Variants in NPAS3 observed in about 807,000 individuals in gnomAD.
The protein encoded by NPAS3 is neuronal PAS domain-containing protein 3.
Under a neutral mutation model 73.1 loss-of-function variants are expected in NPAS3, and 14 were observed. The observed-to-expected ratio is 0.19, with a 90% confidence interval of 0.13 to 0.30. The LOEUF is 0.30. Ranked by LOEUF, NPAS3 falls within the 10% of genes least tolerant of loss-of-function variation. The pLI, the probability that NPAS3 is intolerant of heterozygous loss-of-function variation, is 1.00. For missense variants in NPAS3, 1,096 were observed against 1,250.0 expected (o/e 0.88, Z 1.86); for synonymous variants, 620 against 541.5 (o/e 1.14, Z -2.01).
intron 2 of NPAS3, among the ~76,000 whole-genome samples, chr14:33,089,309 C>T (rs2042142932): frequency 6.6e-6 from 1 of 152,160 alleles, no homozygotes; most frequent in African/African-American, 2.4e-5. Flanking sequence ...CTTAAGTGAC[C>T]TGATGGAGCT....
chr14:33,528,537 G>A (rs2053903964), intron 4 of NPAS3, among the ~76,000 whole-genome samples: 2 of 152,026 alleles, frequency 1.3e-5, no homozygotes, highest in African/African-American at 2.4e-5. Flanking sequence ...TTTGGAGGAT[G>A]CCAAGTGGAA....
intron 3 of NPAS3, among the ~76,000 whole-genome samples, chr14:33,241,404 G>C (rs2048209984): frequency 6.6e-6 from 1 of 151,982 alleles, no homozygotes; most frequent in African/African-American, 2.4e-5. Flanking sequence ...TCTTAGAAGA[G>C]AGCATGCCTC....
At chr14:33,333,432 A>G (rs2044076877) in intron 3 of NPAS3, among the ~76,000 whole-genome samples, 1 of 152,176 alleles carries the variant, frequency 6.6e-6, no homozygotes, top group Non-Finnish European at 1.5e-5. Context: ...ATATTGTTAT[A>G]TTTAGTTCAC....
intron 3 of NPAS3, among the ~76,000 whole-genome samples, chr14:33,221,775 T>C (rs546747400): frequency 6.6e-6 from 1 of 152,294 alleles, no homozygotes; most frequent in African/African-American, 2.4e-5. Context: ...CAACATTGAG[T>C]GGTAAAACCC....
chr14:33,210,288 G>T (rs867203432), intron 2 of NPAS3, among the ~76,000 whole-genome samples: 2 of 152,092 alleles, frequency 1.3e-5, no homozygotes, highest in East Asian at 1.9e-4. Flanking sequence ...CCAGCTTCAT[G>T]GTAGATTCAC....
In NPAS3 at chr14:33,064,757, A is replaced by G. The variant is rs1159041572; in HGVS notation, c.140+8763A>G. 3.3e-5 allele frequency among the ~76,000 whole-genome samples: 5 copies of G among 152,198 alleles called. No homozygotes were observed. The East Asian group carries it at 9.6e-4, about 29-fold the overall frequency. ...GTTTTTGTAATTGTCCTACCCACAG[A>G]TCACCACTGTTAACAATTTGGTGGC... On this transcript the variant is annotated intron_variant, in intron 2 of 11. Coordinates refer to ENST00000356141, the Ensembl canonical transcript of NPAS3.
intron 3 of NPAS3, among the ~76,000 whole-genome samples, chr14:33,276,735 T>A (rs2041353805): frequency 1.3e-5 from 2 of 152,144 alleles, no homozygotes; most frequent in South Asian, 4.1e-4. Flanking sequence ...TAGAAGGTAA[T>A]TTATAAATTA....
intron 3 of NPAS3, among the ~76,000 whole-genome samples, chr14:33,239,914 T>C (rs1039991219): frequency 6.6e-6 from 1 of 151,838 alleles, no homozygotes; most frequent in East Asian, 1.9e-4. Flanking sequence ...GAAAAACTTA[T>C]GAGAGAATGC....
At chr14:32,942,975 C>T (rs923890240) in intron 1 of NPAS3, among the ~76,000 whole-genome samples, 25 of 152,140 alleles carry the variant, frequency 1.6e-4, no homozygotes, top group Admixed American at 1.4e-3. Context: ...GATATTAGAT[C>T]GTATAGCTCC....
At chr14:33,053,633 A>G (rs1336163399) in intron 1 of NPAS3, among the ~76,000 whole-genome samples, 1 of 152,244 alleles carries the variant, frequency 6.6e-6, no homozygotes, top group Non-Finnish European at 1.5e-5. Context: ...GAAAGGTAAA[A>G]CACAAAGTGT....
chr14:33,205,499 G>A (rs2046789305), intron 2 of NPAS3, among the ~76,000 whole-genome samples: 1 of 152,050 alleles, frequency 6.6e-6, no homozygotes. Flanking sequence ...AATAATTTAG[G>A]CTCCTGGCAA....
intron 3 of NPAS3, among the ~76,000 whole-genome samples, chr14:33,302,391 A>G (rs2042587492): frequency 6.6e-6 from 1 of 152,174 alleles, no homozygotes; most frequent in Admixed American, 6.5e-5. Flanking sequence ...TCAAAAAATG[A>G]TGGATGAGAA....
downstream of NPAS3, chr14:33,803,158 C>A (rs747160314): frequency 6.6e-6 from 1 of 152,176 alleles, no homozygotes; most frequent in Non-Finnish European, 1.5e-5. Context: ...GGGTGCTTTT[C>A]TTTGGTTTCC....
intron 7 of NPAS3, among the ~76,000 whole-genome samples, chr14:33,770,565 T>A (rs2062617311): frequency 6.6e-6 from 1 of 152,166 alleles, no homozygotes. Context: ...CCTCATAGAT[T>A]ATGTGTCTTA....
At chr14:33,751,184 A>G (rs2061952618) in intron 7 of NPAS3, among the ~76,000 whole-genome samples, 1 of 152,224 alleles carries the variant, frequency 6.6e-6, no homozygotes, top group South Asian at 2.1e-4. Context: ...AGAGTGTTTC[A>G]TGTCAACAAA....
chr14:33,609,478 T>G (rs1262200508), intron 5 of NPAS3, among the ~76,000 whole-genome samples: 1 of 152,100 alleles, frequency 6.6e-6, no homozygotes, highest in African/African-American at 2.4e-5. Context: ...CAAATGTATT[T>G]GTACATTATC....
chr14:33,143,241 C>T (rs148504564), intron 2 of NPAS3, among the ~76,000 whole-genome samples: 2 of 152,332 alleles, frequency 1.3e-5, no homozygotes, highest in African/African-American at 4.8e-5. Flanking sequence ...CCTGTAATCA[C>T]AGCACTTTGG....
intron 2 of NPAS3, among the ~76,000 whole-genome samples, chr14:33,127,926 G>C (rs2043489238): frequency 6.6e-6 from 1 of 152,052 alleles, no homozygotes; most frequent in Non-Finnish European, 1.5e-5. Context: ...ATTAAGGGAG[G>C]CATAGATTTA....
chr14:33,452,536 G>T (rs903072263), intron 4 of NPAS3, among the ~76,000 whole-genome samples: 1 of 152,040 alleles, frequency 6.6e-6, no homozygotes, highest in Non-Finnish European at 1.5e-5. Flanking sequence ...ACTTTGTGAG[G>T]CTGAGGCAGG....
Sources: allele counts gnomAD v4.1 joint callset (sites outside exome capture counted in the v4.1 genomes callset), GRCh38; gene constraint gnomAD v4.1.1; transcripts MANE v1.5; gene names NCBI Gene and HGNC (gene_info 2026-07-23, HGNC 2026-07-21).